TBC1D1: variants seen among roughly 807,000 people sequenced by gnomAD.
TBC1D1 encodes the protein TBC1 (tre-2/USP6, BUB2, cdc16) domain family, member 1.
TBC1D1 carries 89 observed loss-of-function variants against 125.6 expected under a neutral mutation model. The observed-to-expected ratio is 0.71, with a 90% CI of 0.60 to 0.85. The LOEUF (loss-of-function observed/expected upper bound fraction) is 0.85. TBC1D1 is among the 40% of genes least tolerant of loss of function. The pLI is 0.00. For synonymous variants in TBC1D1, 565 were observed against 564.1 expected (o/e 1.00, Z -0.02); for missense variants, 1,377 against 1,469.2 (o/e 0.94, Z 1.03).
At chr4:37,976,322 AT>A (rs1461617124) in intron 2 of TBC1D1, among the ~76,000 whole-genome samples, 2 of 152,214 alleles carry the variant, frequency 1.3e-5, no homozygotes, top group Middle Eastern at 3.2e-3. Context: ...CTTGGCTGAA[AT>A]TTTAGGGCGA....
At chr4:38,130,251 T>C (rs575572308) in intron 18 of TBC1D1, among the ~76,000 whole-genome samples, 1 of 152,362 alleles carries the variant, frequency 6.6e-6, no homozygotes, top group Admixed American at 6.5e-5. Context: ...TAGGAAATTT[T>C]ATGTTGGTTA....
chr4:37,918,055 A>G (rs1720097766), intron 2 of TBC1D1, among the ~76,000 whole-genome samples: 1 of 152,202 alleles, frequency 6.6e-6, no homozygotes, highest in Non-Finnish European at 1.5e-5. Flanking sequence ...TTTTAATTAT[A>G]ATAGCATGCT....
In TBC1D1 at chr4:37,960,995, C is replaced by T. The variant is rs373453665; in HGVS notation, c.418-53514C>T. 14 of 1,614,042 alleles carry T rather than the reference C, an allele frequency of 8.7e-6. No homozygotes were observed. The South Asian group carries it at 8.8e-5, about 10-fold the overall frequency. The stretch of plus-strand genomic sequence containing the variant: ...TTGCAGTCTCCTTCAAGCATTCTGT[C>T]GACCCTGGATGTTGAATTGCCAGCT... On this transcript the variant is annotated intron_variant, in intron 2 of 19. Coordinates refer to ENST00000261439, the MANE Select transcript of TBC1D1 (RefSeq NM_015173.4).
intron 2 of TBC1D1, among the ~76,000 whole-genome samples, chr4:37,944,821 CGGT>C (rs1256388676): frequency 6.6e-6 from 1 of 152,228 alleles, no homozygotes; most frequent in Non-Finnish European, 1.5e-5. Context: ...GGCTCACACT[CGGT>C]GGGCTGCACC....
chr4:37,965,500 C>T (rs1290286590), intron 2 of TBC1D1, among the ~76,000 whole-genome samples: 2 of 152,088 alleles, frequency 1.3e-5, no homozygotes, highest in Non-Finnish European at 2.9e-5. Flanking sequence ...TCCTTCCTGA[C>T]CCTTGATCTT....
At chr4:37,992,678 T>C (rs1235766995) in intron 2 of TBC1D1, among the ~76,000 whole-genome samples, 4 of 151,328 alleles carry the variant, frequency 2.6e-5, no homozygotes, top group Non-Finnish European at 5.9e-5. Flanking sequence ...GTATTTTTAG[T>C]AGAGATGGGG....
intron 2 of TBC1D1, among the ~76,000 whole-genome samples, chr4:37,920,293 G>A (rs540754300): frequency 6.6e-6 from 1 of 152,162 alleles, no homozygotes; most frequent in Non-Finnish European, 1.5e-5. Context: ...ATGTCATCTC[G>A]TAAGAGGTAG....
chr4:37,940,513 A>G (rs1225649252), intron 2 of TBC1D1, among the ~76,000 whole-genome samples: 1 of 152,082 alleles, frequency 6.6e-6, no homozygotes, highest in Non-Finnish European at 1.5e-5. Context: ...AATACCCTTT[A>G]TTTCTTTCTC....
chr4:38,111,397 T>C (rs2152567879), intron 15 of TBC1D1, among the ~76,000 whole-genome samples: 1 of 152,324 alleles, frequency 6.6e-6, no homozygotes, highest in East Asian at 1.9e-4. Context: ...CTATCAATAT[T>C]TACTATATTA....
chr4:38,020,815 G>T, intron 5 of TBC1D1, 120 bp downstream of exon 5: 2 of 757,640 alleles, frequency 2.6e-6, no homozygotes, highest in East Asian at 5.6e-5. Context: ...TTTGTCTTTA[G>T]TTATTTACTT....
intron 2 of TBC1D1, among the ~76,000 whole-genome samples, chr4:37,962,565 T>G (rs1032276045): frequency 1.2e-4 from 18 of 152,220 alleles, no homozygotes; most frequent in Non-Finnish European, 1.9e-4. Flanking sequence ...GTTATTAGCA[T>G]AGTAAGGATC....
At chr4:37,909,726 G>C (rs895913657) in intron 2 of TBC1D1, among the ~76,000 whole-genome samples, 3 of 152,156 alleles carry the variant, frequency 2.0e-5, no homozygotes, top group East Asian at 3.8e-4. Flanking sequence ...GATTCTGAGG[G>C]GGTCTTGTTA....
rs1337269498 is a variant in TBC1D1 at position 37,902,086 on chromosome 4, C to A, written c.-10C>A. On this transcript the variant is annotated 5_prime_UTR_variant, in exon 2 of 20. Coordinates refer to ENST00000261439, the MANE Select transcript of TBC1D1 (RefSeq NM_015173.4). The stretch of plus-strand genomic sequence containing the variant: ...TAACTGTTTTGCTGAGTTCCCAGAC[C>A]CTTCCCAAGATGGAACCAATAACAT... 3.8e-6 allele frequency: 6 copies of A among 1,584,944 alleles called. No individual in the cohort carries two copies. Among genetic ancestry groups the A allele is most frequent in the Non-Finnish European group, 5.1e-6 (6 of 1,166,110 alleles).
chr4:38,017,395 A>T (rs1453825347), intron 3 of TBC1D1, among the ~76,000 whole-genome samples: 2 of 152,230 alleles, frequency 1.3e-5, no homozygotes, highest in African/African-American at 4.8e-5. Context: ...TCTCCACAGA[A>T]GGACAAGAGT....
chr4:37,966,932 G>T (rs62298520), intron 2 of TBC1D1, among the ~76,000 whole-genome samples: 1 of 151,982 alleles, frequency 6.6e-6, no homozygotes. Context: ...GTTTTACCAG[G>T]CACATTCTTC....
chr4:38,073,631 C>T (rs962910451), intron 12 of TBC1D1, among the ~76,000 whole-genome samples: 1 of 152,144 alleles, frequency 6.6e-6, no homozygotes, highest in African/African-American at 2.4e-5. Flanking sequence ...GAACTTAAAT[C>T]ATGGCCCTTC....
chr4:38,095,826 C>T, intron 13 of TBC1D1, 103 bp from the exon 16 acceptor site: 6 of 1,236,686 alleles, frequency 4.9e-6, no homozygotes, highest in Non-Finnish European at 6.7e-6. Context: ...CCAGTTGTAA[C>T]TGCTTGACGT....
chr4:37,973,170 A>G (rs1732401437), intron 2 of TBC1D1, among the ~76,000 whole-genome samples: 1 of 152,158 alleles, frequency 6.6e-6, no homozygotes, highest in African/African-American at 2.4e-5. Context: ...GATTCTGCCT[A>G]CTCCTGGATT....
In TBC1D1 at chr4:37,891,278, C is replaced by G. The variant is rs941348151; in HGVS notation, c.-164C>G. Reference sequence around the variant, plus strand: ...CGATGGACTCCCCGCCCGCCCAGGCCGTCCCCAGGATGCCCCCAAGCACCT... The same window carrying G: ...CGATGGACTCCCCGCCCGCCCAGGCGGTCCCCAGGATGCCCCCAAGCACCT... On this transcript the variant is annotated 5_prime_UTR_variant, in exon 1 of 20. Coordinates refer to ENST00000261439, the MANE Select transcript of TBC1D1 (RefSeq NM_015173.4). 5 of 152,398 alleles carry G rather than the reference C, an allele frequency of 3.3e-5. No individual in the cohort carries two copies. Among genetic ancestry groups the G allele is most frequent in the African/African-American group, 7.2e-5 (3 of 41,444 alleles). 9.4% of individuals were successfully genotyped at this position (152,398 alleles called of 1,614,324 possible). A position where few individuals can be genotyped will look rare whatever the true frequency, so the allele number is the denominator to read the frequency against.
Sources: allele counts gnomAD v4.1 joint callset (sites outside exome capture counted in the v4.1 genomes callset), GRCh38; gene constraint gnomAD v4.1.1; transcripts MANE v1.5; gene names NCBI Gene and HGNC (gene_info 2026-07-23, HGNC 2026-07-21).